Variants in KLC3 observed in about 807,000 individuals in gnomAD.
KLC3 encodes kinesin light chain 3.
KLC3 carries 72 observed loss-of-function variants against 62.9 expected under a neutral mutation model. The ratio of observed to expected loss-of-function variants is 1.15; its 90% CI spans 0.95 to 1.39. The LOEUF (loss-of-function observed/expected upper bound fraction) is 1.39. KLC3 is among the 40% of genes most tolerant of loss of function. The pLI is 0.00. For missense variants in KLC3, 848 were observed against 691.6 expected, an observed-to-expected ratio of 1.23 and a Z score of -2.54; for synonymous variants, 377 against 300.5, an observed-to-expected ratio of 1.25 and a Z score of -2.63.
chr19:45,347,043 C>G, intron 3 of KLC3: 1 of 483,980 alleles, frequency 2.1e-6, no homozygotes, highest in Non-Finnish European at 3.7e-6. Context: ...ACCACCACCT[C>G]CCTCAAACCT....
chr19:45,346,394 A>C (rs982420880), intron 2 of KLC3, 150 bp from the exon 3 acceptor site: 46 of 717,818 alleles, frequency 6.4e-5, no homozygotes, highest in Non-Finnish European at 9.3e-5. Context: ...CTCTGAGGGC[A>C]CTGGGGCCAT....
At position 45,347,431 on chromosome 19, in the gene KLC3, T is replaced by C; in HGVS notation, c.490-16T>C. 6.4e-7 allele frequency: 1 copy of C among 1,554,486 alleles called. No homozygotes were observed. Among genetic ancestry groups the C allele is most frequent in the Middle Eastern group, 1.7e-4 (1 of 5,768 alleles). On this transcript the variant is annotated splice_polypyrimidine_tract_variant and intron_variant, in intron 3 of 12. Coordinates refer to ENST00000391946, the MANE Select transcript of KLC3 (RefSeq NM_177417.3). ...AGCCCCCACCACCCCGGCCCCCCACTTTCCTGTCTCTGCAGCAGTCTGAGT... is the reference window on the plus strand; with the variant it reads ...AGCCCCCACCACCCCGGCCCCCCACCTTCCTGTCTCTGCAGCAGTCTGAGT...
Position 45,350,632 on chromosome 19 carries a change from C to T in KLC3, c.1273-9C>T. 6.2e-7 allele frequency: 1 copy of T among 1,613,270 alleles called. No homozygotes were observed. The highest frequency in any genetic ancestry group is 8.5e-7 in the Non-Finnish European group (1 of 1,179,400). ...GGGGGACTGAGCAGCATCCCCGGCC[C>T]CTCCCCAGGCCCTTCGCCGCAGCAG... On this transcript the variant is annotated splice_polypyrimidine_tract_variant and intron_variant, in intron 10 of 12. Transcript: ENST00000391946.
At chr19:45,346,332 CTG>C (rs1470571630) in intron 2 of KLC3, among the ~76,000 whole-genome samples, 1 of 152,144 alleles carries the variant, frequency 6.6e-6, no homozygotes, top group Non-Finnish European at 1.5e-5. Context: ...CTTCAGTAAA[CTG>C]TGGGTCCTAG....
chr19:45,350,520 C>CCAACACAGGCACAGCTGGTGACG lies in KLC3; in HGVS notation c.1244_1266dup (p.Glu423ThrfsTer47). The CCAACACAGGCACAGCTGGTGACG allele has an allele frequency of 6.2e-7, 1 of 1,613,990 alleles. No homozygotes were observed. On this transcript the variant is annotated frameshift_variant, in exon 10 of 13. Coordinates refer to ENST00000391946, the MANE Select transcript of KLC3 (RefSeq NM_177417.3). LOFTEE classifies it high-confidence loss of function. ...CCCCCATCTTTCCCCCTAGGTGCCC[C>CCAACACAGGCACAGCTGGTGACG]CAACACAGGCACAGCTGGTGACGCA...
chr19:45,351,134 AAGAGACCC>A (rs1971745913), intron 12 of KLC3, 117 bp downstream of exon 12: 2 of 1,602,858 alleles, frequency 1.2e-6, no homozygotes. Flanking sequence ...TTGGTGTCAG[AAGAGACCC>A]AGGACAGGAG....
At position 45,341,186 on chromosome 19, in the gene KLC3, T is replaced by TTGTGTG. The variant is rs113240301; in HGVS notation, c.-9+363_-9+368dup. 2.3e-3 allele frequency among the ~76,000 whole-genome samples: 256 copies of TTGTGTG among 111,916 alleles called. 2 individuals are homozygous for TTGTGTG. Among genetic ancestry groups the TTGTGTG allele is most frequent in the East Asian group, 7.8e-3 (20 of 2,558 alleles). The allele number at this position is 111,916 out of a possible 152,430, so 73.4% of individuals were successfully genotyped here. Reference sequence around the variant, plus strand: ...ATGGGAGTCTCCTGCCTGCCTGTGTTTGTGTGTGTGTGTGTGTGTGTGTGT... The same window carrying TTGTGTG: ...ATGGGAGTCTCCTGCCTGCCTGTGTTTGTGTGTGTGTGTGTGTGTGTGTGTGTGTGT... On this transcript the variant is annotated intron_variant, in intron 1 of 12. Transcript: ENST00000391946.
rs1009407150 is a variant in KLC3 at position 45,346,755 on chromosome 19, A to C, written c.470A>C (p.Asp157Ala). Reference protein sequence around the residue: ...LEFLGQLRQYDPPAESQQSES... With the variant: ...LEFLGQLRQYAPPAESQQSES... The stretch of plus-strand genomic sequence containing the variant: ...TTCCTGGGGCAGCTGCGACAGTACG[A>C]CCCACCGGCGGAGAGCCAGGTGCCA... Residue 157 changes from aspartate to alanine, a missense_variant, in exon 3 of 13, where the codon GAC (aspartate) becomes GCC (alanine). Physicochemically the swap from Asp to Ala is moderately radical, Grantham distance 126. Coordinates refer to ENST00000391946, the MANE Select transcript of KLC3 (RefSeq NM_177417.3). The C allele has an allele frequency of 6.1e-5, 96 of 1,583,414 alleles. No homozygotes were observed. Among genetic ancestry groups the C allele is most frequent in the Non-Finnish European group, 8.1e-5 (94 of 1,165,840 alleles).
Position 45,350,334 on chromosome 19 carries a change from T to G in KLC3, c.1144-7T>G. On this transcript the variant is annotated splice_polypyrimidine_tract_variant and splice_region_variant and intron_variant, in intron 8 of 12. Transcript: ENST00000391946. ...CGAAAAGTTCCCAGACACTCCCTTCTCCGCAGGCCTCAGCCTACCTGAAAC... is the reference window on the plus strand; with the variant it reads ...CGAAAAGTTCCCAGACACTCCCTTCGCCGCAGGCCTCAGCCTACCTGAAAC... The G allele has an allele frequency of 1.3e-5, 21 of 1,611,194 alleles. No homozygotes were observed. Among genetic ancestry groups the G allele is most frequent in the Non-Finnish European group, 1.7e-5 (20 of 1,179,272 alleles).
At position 45,347,534 on chromosome 19, in the gene KLC3, A is replaced by G; in HGVS notation, c.559+18A>G. On this transcript the variant is annotated intron_variant, in intron 4 of 12. Coordinates refer to ENST00000391946, the MANE Select transcript of KLC3 (RefSeq NM_177417.3). Reference sequence around the variant, plus strand: ...GAGGAAAGGTGGGTGTTGGGAGTACATGCCACAGAGGATGGCAGGCCAGGG... The same window carrying G: ...GAGGAAAGGTGGGTGTTGGGAGTACGTGCCACAGAGGATGGCAGGCCAGGG... The G allele has an allele frequency of 6.2e-7, 1 of 1,600,790 alleles. No homozygotes were observed. Among genetic ancestry groups the G allele is most frequent in the Non-Finnish European group, 8.5e-7 (1 of 1,173,150 alleles).
intron 1 of KLC3, chr19:45,345,195 CA>C (rs1971463682): frequency 6.8e-5 from 33 of 482,382 alleles, no homozygotes; most frequent in South Asian, 6.5e-4. Context: ...GAAGGCTGGC[CA>C]GGTGAGCTGA....
Position 45,350,336 on chromosome 19 carries a change from C to G in KLC3, c.1144-5C>G, listed in dbSNP as rs182272593. The stretch of plus-strand genomic sequence containing the variant: ...AAAAGTTCCCAGACACTCCCTTCTC[C>G]GCAGGCCTCAGCCTACCTGAAACAG... On this transcript the variant is annotated splice_polypyrimidine_tract_variant and splice_region_variant and intron_variant, in intron 8 of 12. Coordinates refer to ENST00000391946, the MANE Select transcript of KLC3 (RefSeq NM_177417.3). 1 of 1,612,796 alleles carries G rather than the reference C, an allele frequency of 6.2e-7. No individual in the cohort carries two copies. The highest frequency in any genetic ancestry group is 2.2e-5 in the East Asian group (1 of 44,868).
At chr19:45,345,178 G>C in intron 1 of KLC3, 1 of 461,834 alleles carries the variant, frequency 2.2e-6, no homozygotes, top group Non-Finnish European at 3.8e-6. Context: ...AAGGGCCTTG[G>C]GGTGGGGAAG....
At position 45,346,679 on chromosome 19, in the gene KLC3, G is replaced by GCCAGCGAGGAGTCCGTGGC; in HGVS notation, c.400_418dup (p.Leu140ArgfsTer33). ...GGAGGAGACGCAGCGGCGGCTTCGGGCCAGCGAGGAGTCCGTGGCCCAGCT... is the reference window on the plus strand; with the variant it reads ...GGAGGAGACGCAGCGGCGGCTTCGGGCCAGCGAGGAGTCCGTGGCCCAGCGAGGAGTCCGTGGCCCAGCT... On this transcript the variant is annotated frameshift_variant, in exon 3 of 13. Transcript: ENST00000391946. LOFTEE classifies it high-confidence loss of function. 6.4e-7 allele frequency: 1 copy of GCCAGCGAGGAGTCCGTGGC among 1,560,674 alleles called. No homozygotes were observed. Among genetic ancestry groups the GCCAGCGAGGAGTCCGTGGC allele is most frequent in the Non-Finnish European group, 8.7e-7 (1 of 1,154,460 alleles).
In KLC3 at chr19:45,350,681, C is replaced by CTT; in HGVS notation, c.1314_1315insTT (p.Ile439LeufsTer24). ...AGCTCACTCTCCAAGATCCGTGAGT[C>CTT]TATCAGGCGAGGAAGTGAGAAGCTG... On this transcript the variant is annotated frameshift_variant, in exon 11 of 13. Transcript: ENST00000391946. LOFTEE classifies it high-confidence loss of function. 2 of 1,613,850 alleles carry CTT rather than the reference C, an allele frequency of 1.2e-6. No homozygotes were observed. The highest frequency in any genetic ancestry group is 2.7e-5 in the African/African-American group (2 of 75,024).
rs1356286987 is a variant in KLC3, at chr19:45,350,350, T to A, written c.1153T>A (p.Tyr385Asn). Residue 385 changes from tyrosine (Y) to asparagine (N), a missense_variant, in exon 9 of 13, where the codon TAC (tyrosine) becomes AAC (asparagine). By Grantham distance (143) the Tyr-to-Asn change is moderately radical (BLOSUM62 -2). Transcript: ENST00000391946. ...ACTCCCTTCTCCGCAGGCCTCAGCCTACCTGAAACAGAACAAGTATCAACA... is the reference window on the plus strand; with the variant it reads ...ACTCCCTTCTCCGCAGGCCTCAGCCAACCTGAAACAGAACAAGTATCAACA... Reference protein sequence around the residue: ...AKTKNNLASAYLKQNKYQQAE... With the variant: ...AKTKNNLASANLKQNKYQQAE... The A allele has an allele frequency of 6.2e-7, 1 of 1,612,768 alleles. No individual in the cohort carries two copies. Among genetic ancestry groups the A allele is most frequent in the Non-Finnish European group, 8.5e-7 (1 of 1,179,912 alleles).
At position 45,349,721 on chromosome 19, in the gene KLC3, C is replaced by T; in HGVS notation, c.1143+119C>T. 3 of 1,020,232 alleles carry T rather than the reference C, an allele frequency of 2.9e-6. No homozygotes were observed. In the South Asian group the frequency reaches 5.2e-5, roughly 18 times the overall value. The allele number at this position is 1,020,232 out of a possible 1,614,324, so 63.2% of individuals were successfully genotyped here. A position where few individuals can be genotyped will look rare whatever the true frequency, so the allele number is the denominator to read the frequency against. On this transcript the variant is annotated intron_variant, in intron 8 of 12. Transcript: ENST00000391946. ...TGGGGGGGGGCCCCCCAGGCCGGGCCCTTGGAGCAAGTGTCAGACACAGGA... is the reference window on the plus strand; with the variant it reads ...TGGGGGGGGGCCCCCCAGGCCGGGCTCTTGGAGCAAGTGTCAGACACAGGA...
intron 12 of KLC3, 51 bp from the exon 13 acceptor site, chr19:45,351,235 T>TA (rs781714078): frequency 3.1e-6 from 5 of 1,587,574 alleles, no homozygotes; most frequent in Non-Finnish European, 4.3e-6. Context: ...AGGGTGGATG[T>TA]AACACTTGCC....
At position 45,345,853 on chromosome 19, in the gene KLC3, G is replaced by A. The variant is rs570895394; in HGVS notation, c.258+54G>A. ...GGAAGGTCAGCTGAGGGCGGAGGGAGGGCCAGGCATGAGGGGGACAGGTAT... is the reference window on the plus strand; with the variant it reads ...GGAAGGTCAGCTGAGGGCGGAGGGAAGGCCAGGCATGAGGGGGACAGGTAT... On this transcript the variant is annotated intron_variant, in intron 2 of 12. Transcript: ENST00000391946. 11 of 1,498,754 alleles carry A rather than the reference G, an allele frequency of 7.3e-6. No homozygotes were observed. The African/African-American group carries it at 1.1e-4, about 15-fold the overall frequency. The allele number at this position is 1,498,754 out of a possible 1,614,324, so 92.8% of individuals were successfully genotyped here. A position where few individuals can be genotyped will look rare whatever the true frequency, so the allele number is the denominator to read the frequency against.
Sources: gnomAD v4.1 joint callset for allele counts (sites outside exome capture counted in the v4.1 genomes callset) on GRCh38, gnomAD v4.1.1 for gene constraint, MANE v1.5 for transcripts, NCBI Gene and HGNC (gene_info 2026-07-23, HGNC 2026-07-21) for gene names.